The following SEPTIN9 variants were observed in gnomAD, a reference collection of about 807,000 sequenced individuals.
The protein encoded by SEPTIN9 is septin 9.
In SEPTIN9, 13 loss-of-function variants were observed where a neutral mutation model predicts 56.6. That is an observed-to-expected ratio of 0.23 (90% CI 0.15 to 0.37). The LOEUF is 0.37. SEPTIN9 is among the 10% of genes least tolerant of loss of function. The pLI is 1.00. For missense variants in SEPTIN9, 650 were observed against 823.1 expected (o/e 0.79, Z 2.57); for synonymous variants, 332 against 334.1 (o/e 0.99, Z 0.07).
intron 2 of SEPTIN9, among the ~76,000 whole-genome samples, chr17:77,331,757 A>C (rs1305731371): frequency 6.6e-6 from 1 of 152,162 alleles, no homozygotes; most frequent in African/African-American, 2.4e-5. Flanking sequence ...CAGCCCCCGC[A>C]CAGGCACGGG....
rs116115622 is a variant in SEPTIN9 at position 77,467,078 on chromosome 17, C to T, written c.722-15066C>T. The stretch of plus-strand genomic sequence containing the variant: ...TCTGCCGGTTCCCGAATCACTCTTC[C>T]GCTGGGGCCGGCCATGTCACGTCAG... On this transcript the variant is annotated intron_variant, in intron 3 of 11. Transcript: ENST00000427177. Among the ~76,000 whole-genome samples, 710 of 152,326 alleles carry T rather than the reference C, an allele frequency of 4.7e-3. 4 individuals carry two copies. The highest frequency in any genetic ancestry group is 0.013 in the African/African-American group (535 of 41,568).
chr17:77,499,470 C>G lies in SEPTIN9; in HGVS notation c.*812C>G, dbSNP rs758271719. On this transcript the variant is annotated 3_prime_UTR_variant, in exon 12 of 12. Coordinates refer to ENST00000427177, the MANE Select transcript of SEPTIN9 (RefSeq NM_001113491.2). ...AGGAAGGAGAGATGACCCCTACCCC[C>G]TCATCCCCCAGTTTTGAAAAGGTCT... The G allele has an allele frequency of 5.8e-6, 3 of 517,172 alleles. No individual in the cohort carries two copies. The highest frequency in any genetic ancestry group is 1.1e-5 in the Non-Finnish European group (3 of 265,368). The allele number at this position is 517,172 out of a possible 1,614,324, so 32.0% of individuals were successfully genotyped here.
In SEPTIN9 at chr17:77,317,905, G is replaced by A. The variant is rs1249696582; in HGVS notation, c.76+10708G>A. Among the ~76,000 whole-genome samples the A allele has an allele frequency of 6.6e-6, 1 of 152,028 alleles. No individual in the cohort carries two copies. Among genetic ancestry groups the A allele is most frequent in the Non-Finnish European group, 1.5e-5 (1 of 67,992 alleles). On this transcript the variant is annotated intron_variant, in intron 2 of 11. Transcript: ENST00000427177. This position sits in a 1 kb window ranked among gnomAD's most constrained non-coding sequence, Gnocchi z 4.2. ...GTTTCTACTAAAAATACAAAAATTA[G>A]CCGGACACGGTGGCAGGCGTCTGTA...
rs759965090 is a variant in SEPTIN9 at position 77,493,030 on chromosome 17, C to T, written c.1527C>T (p.Asn509=). ...VVGSDHEYQV[N]GKRILGRKTK... ...GCAGTGACCACGAGTACCAGGTCAACGGCAAGAGGATCCTTGGGAGGAAGA... is the reference window on the plus strand; with the variant it reads ...GCAGTGACCACGAGTACCAGGTCAATGGCAAGAGGATCCTTGGGAGGAAGA... Residue 509 remains asparagine (N), a synonymous_variant, in exon 10 of 12, where the codon AAC becomes AAT. Transcript: ENST00000427177. 82 of 1,569,842 alleles carry T rather than the reference C, an allele frequency of 5.2e-5. No individual in the cohort carries two copies. The highest frequency in any genetic ancestry group is 7.1e-5 in the East Asian group (3 of 42,194).
At chr17:77,486,618 G>A (rs576050891) in intron 4 of SEPTIN9, among the ~76,000 whole-genome samples, 1 of 152,036 alleles carries the variant, frequency 6.6e-6, no homozygotes, top group East Asian at 1.9e-4. Context: ...GGTGAGTTGT[G>A]TGTGTGTTGT....
rs902018715 is a variant in SEPTIN9 at position 77,500,591 on chromosome 17, C to T, written c.*1933C>T. ...AAATAAATGTTTCAAATGCAGAAAC[C>T]CAGAAGGCTCCTGAGTGAGAATGTT... On this transcript the variant is annotated 3_prime_UTR_variant, in exon 12 of 12. Transcript: ENST00000427177. 4 of 184,052 alleles carry T rather than the reference C, an allele frequency of 2.2e-5. No individual in the cohort carries two copies. Among genetic ancestry groups the T allele is most frequent in the African/African-American group, 7.1e-5 (3 of 42,460 alleles). 11.4% of individuals were successfully genotyped at this position (184,052 alleles called of 1,614,324 possible). A position where few individuals can be genotyped will look rare whatever the true frequency, so the allele number is the denominator to read the frequency against.
intron 2 of SEPTIN9, among the ~76,000 whole-genome samples, chr17:77,350,644 C>T (rs1330812132): frequency 1.0e-5 from 1 of 97,242 alleles, no homozygotes; most frequent in Non-Finnish European, 2.3e-5. Flanking sequence ...TGTGTCCCCA[C>T]ATGCATTACA....
At chr17:77,362,279 C>T (rs1194970885) in intron 2 of SEPTIN9, among the ~76,000 whole-genome samples, 1 of 152,200 alleles carries the variant, frequency 6.6e-6, no homozygotes, top group Non-Finnish European at 1.5e-5. Context: ...ATGGGACAAG[C>T]CACAGAGACT....
At chr17:77,454,892 T>G (rs534972081) in intron 3 of SEPTIN9, among the ~76,000 whole-genome samples, 1 of 152,182 alleles carries the variant, frequency 6.6e-6, no homozygotes, top group South Asian at 2.1e-4. Context: ...CTGCAGGAGT[T>G]GCTTCATCCC....
intron 1 of SEPTIN9, among the ~76,000 whole-genome samples, chr17:77,303,023 C>T (rs569702991): frequency 2.1e-4 from 32 of 152,190 alleles, no homozygotes; most frequent in Non-Finnish European, 1.6e-4. Flanking sequence ...CTGCTTGGAA[C>T]GCCGGCCCAT....
rs1477293713 is a variant in SEPTIN9 at position 77,402,542 on chromosome 17, G to A, written c.560G>A (p.Arg187Lys). ...CCTGCCACCGACGCAGCCCCCAAGAGGGTGGAGATCCAGATGCCCAAGCCT... is the reference window on the plus strand; with the variant it reads ...CCTGCCACCGACGCAGCCCCCAAGAAGGTGGAGATCCAGATGCCCAAGCCT... ...TAPATDAAPK[R>K]VEIQMPKPAE... The change falls in exon 3 of 12, where the codon AGG (arginine) becomes AAG (lysine). Residue 187 changes from arginine (R) to lysine (K), a missense_variant. Physicochemically the swap from Arg to Lys is conservative, Grantham distance 26. This residue lies in a region of SEPTIN9 where 317 missense variants were observed against 329.1 expected (regional missense o/e 0.96). Transcript: ENST00000427177. The surrounding 1 kb of genome is among the most constrained non-coding windows in gnomAD (Gnocchi z 6.6). 28 of 1,608,766 alleles carry A rather than the reference G, an allele frequency of 1.7e-5. No individual in the cohort carries two copies. Among genetic ancestry groups the A allele is most frequent in the Non-Finnish European group, 2.2e-5 (26 of 1,178,088 alleles).
rs1490402188 is a variant in SEPTIN9 at position 77,476,514 on chromosome 17, A to G, written c.722-5630A>G. On this transcript the variant is annotated intron_variant, in intron 3 of 11. Transcript: ENST00000427177. The surrounding 1 kb of genome is among the most constrained non-coding windows in gnomAD (Gnocchi z 6.0). ...GGGCTGCGTGGATTACAGCCCTTTC[A>G]TCCCTGCCTTAGACCCACCTGCAAC... is the stretch of plus-strand genomic sequence containing the variant. Among the ~76,000 whole-genome samples, 1 of 152,150 alleles carries G rather than the reference A, an allele frequency of 6.6e-6. No homozygotes were observed. Among genetic ancestry groups the G allele is most frequent in the Non-Finnish European group, 1.5e-5 (1 of 68,006 alleles).
chr17:77,309,361 G>A (rs2032390858), intron 2 of SEPTIN9, among the ~76,000 whole-genome samples: 3 of 152,220 alleles, frequency 2.0e-5, no homozygotes, highest in Non-Finnish European at 4.4e-5. Flanking sequence ...GCTGACACAC[G>A]GGGTCCTCCC....
intron 2 of SEPTIN9, among the ~76,000 whole-genome samples, chr17:77,346,939 G>C (rs971602893): frequency 6.6e-6 from 1 of 152,184 alleles, no homozygotes; most frequent in African/African-American, 2.4e-5. Context: ...CTCTGAAGCA[G>C]GGAGCTAGCT....
chr17:77,314,764 G>A (rs934111970), intron 2 of SEPTIN9, among the ~76,000 whole-genome samples: 9 of 152,222 alleles, frequency 5.9e-5, no homozygotes, highest in African/African-American at 2.2e-4. Flanking sequence ...CACCTGGACC[G>A]CCTGCTCCCT....
In SEPTIN9 at chr17:77,475,667, C is replaced by G; in HGVS notation, c.722-6477C>G. 6.2e-7 allele frequency: 1 copy of G among 1,613,828 alleles called. No homozygotes were observed. The highest frequency in any genetic ancestry group is 8.5e-7 in the Non-Finnish European group (1 of 1,179,876). ...ATTGTTACGAGGCAAAGTAAGGAGA[C>G]TGCTGGGCCCACGCTGGGCCGGGGT... On this transcript the variant is annotated intron_variant, in intron 3 of 11. Coordinates refer to ENST00000427177, the MANE Select transcript of SEPTIN9 (RefSeq NM_001113491.2). This position sits in a 1 kb window ranked among gnomAD's most constrained non-coding sequence, Gnocchi z 4.6.
chr17:77,491,175 G>A (rs1247610958), intron 8 of SEPTIN9, among the ~76,000 whole-genome samples: 2 of 152,108 alleles, frequency 1.3e-5, no homozygotes, highest in African/African-American at 4.8e-5. Flanking sequence ...CAGGGAGTGA[G>A]GCCGAGCAGG....
intron 3 of SEPTIN9, among the ~76,000 whole-genome samples, chr17:77,410,507 C>T (rs2036255449): frequency 6.6e-6 from 1 of 152,220 alleles, no homozygotes; most frequent in African/African-American, 2.4e-5. Flanking sequence ...TCCTGTAATG[C>T]CTTGCCCACT....
chr17:77,487,470 A>G lies in SEPTIN9; in HGVS notation c.960A>G (p.Lys320=), dbSNP rs1329386308. The G allele has an allele frequency of 1.9e-6, 3 of 1,611,690 alleles. No homozygotes were observed. The highest frequency in any genetic ancestry group is 3.4e-5 in the Admixed American group (2 of 59,690). Residue 320 remains lysine, a synonymous_variant, in exon 5 of 12, where the codon AAA becomes AAG. Coordinates refer to ENST00000427177, the MANE Select transcript of SEPTIN9 (RefSeq NM_001113491.2). The surrounding 1 kb of genome is among the most constrained non-coding windows in gnomAD (Gnocchi z 4.3). The stretch of plus-strand genomic sequence containing the variant: ...CCACCTTAATCAACACCCTCTTCAA[A>G]TCCAAAATCAGCCGGAAGTCGGTGC... ...GKSTLINTLF[K]SKISRKSVQP...
Sources: allele counts gnomAD v4.1 joint callset (sites outside exome capture counted in the v4.1 genomes callset), GRCh38; gene constraint gnomAD v4.1.1; regional missense constraint gnomAD v4.1.1; non-coding constraint Gnocchi (gnomAD v3.1); transcripts MANE v1.5; gene names NCBI Gene and HGNC (gene_info 2026-07-23, HGNC 2026-07-21).